The following MTOR variants were observed in gnomAD, a reference collection of about 807,000 sequenced individuals.
The protein encoded by MTOR is serine/threonine-protein kinase mTOR.
A neutral mutation model predicts 319.8 loss-of-function variants in MTOR; 70 were observed. The ratio of observed to expected loss-of-function variants is 0.22; its 90% CI spans 0.18 to 0.27. MTOR has a LOEUF of 0.27. MTOR is among the 10% of genes least tolerant of loss of function. The pLI, the probability that MTOR is intolerant of heterozygous loss-of-function variation, is 1.00. For synonymous variants in MTOR, 1,183 were observed against 1,211.4 expected (o/e 0.98, Z 0.49); for missense variants, 1,890 against 3,274.4 (o/e 0.58, Z 10.32).
intron 28 of MTOR, among the ~76,000 whole-genome samples, chr1:11,172,733 G>A (rs1278676693): frequency 6.6e-6 from 1 of 151,874 alleles, no homozygotes; most frequent in East Asian, 1.9e-4. Context: ...GTGGAGCGTG[G>A]TGGCGAACGC....
Position 11,253,851 on chromosome 1 carries a change from G to A in MTOR, c.828C>T (p.Ser276=). ...LILNELVRIS[S]MEGERLREEM... is the part of the protein sequence containing the mutation. ...CGTGGCTTCTCACCTCTCCCTCCATGCTGCTGATTCGGACCAGCTCGTTAA... is the reference window on the plus strand; with the variant it reads ...CGTGGCTTCTCACCTCTCCCTCCATACTGCTGATTCGGACCAGCTCGTTAA... Residue 276 remains serine, a synonymous_variant, in exon 6 of 58, where the codon AGC becomes AGT. Coordinates refer to ENST00000361445, the MANE Select transcript of MTOR (RefSeq NM_004958.4). 1.9e-6 allele frequency: 3 copies of A among 1,614,070 alleles called. No homozygotes were observed. Among genetic ancestry groups the A allele is most frequent in the Non-Finnish European group, 2.5e-6 (3 of 1,179,996 alleles).
intron 28 of MTOR, among the ~76,000 whole-genome samples, chr1:11,168,234 G>A (rs977476154): frequency 1.4e-5 from 2 of 147,108 alleles, no homozygotes; most frequent in African/African-American, 2.5e-5. Flanking sequence ...TTTTGAGACC[G>A]GGTCTTGCTA....
chr1:11,150,368 A>T, intron 30 of MTOR, 142 bp from the exon 31 acceptor site: 1 of 630,200 alleles, frequency 1.6e-6, no homozygotes, highest in Non-Finnish European at 2.7e-6. Flanking sequence ...AGGTCACATA[A>T]TAGAGAATCA....
chr1:11,262,180 G>A (rs1267368965), intron 1 of MTOR, among the ~76,000 whole-genome samples: 1 of 152,204 alleles, frequency 6.6e-6, no homozygotes, highest in Non-Finnish European at 1.5e-5. Flanking sequence ...AGACCCAAAG[G>A]GCAATACCAG....
chr1:11,125,192 GC>G (rs1389990951), intron 46 of MTOR, among the ~76,000 whole-genome samples: 1 of 152,170 alleles, frequency 6.6e-6, no homozygotes. Flanking sequence ...GTGGGTGAGG[GC>G]TGAGTAACAA....
At chr1:11,229,036 A>G in intron 18 of MTOR, 118 bp from the exon 19 acceptor site, 4 of 1,299,654 alleles carry the variant, frequency 3.1e-6, no homozygotes, top group Non-Finnish European at 1.1e-6. Context: ...CTTTCTTCCT[A>G]GTATGTTCTA....
chr1:11,128,538 G>A lies in MTOR; in HGVS notation c.5826C>T (p.Leu1942=), dbSNP rs1457074327. 1 of 1,614,064 alleles carries A rather than the reference G, an allele frequency of 6.2e-7. No individual in the cohort carries two copies. Among genetic ancestry groups the A allele is most frequent in the Non-Finnish European group, 8.5e-7 (1 of 1,180,030 alleles). ...GTCTGGGCGTATCAATTCTTGCAAT[G>A]AGCTGAGGTATAACCTGGTATTCAA... ...IDTWLQVIPQ[L]IARIDTPRPL... The change falls in exon 42 of 58, where the codon CTC becomes CTT. Residue 1942 remains leucine (L), a synonymous_variant. Transcript: ENST00000361445. This position sits in a 1 kb window ranked among gnomAD's most constrained non-coding sequence, Gnocchi z 5.3.
At chr1:11,244,650 CAAAA>C (rs1370523742) in intron 8 of MTOR, among the ~76,000 whole-genome samples, 1 of 152,022 alleles carries the variant, frequency 6.6e-6, no homozygotes, top group East Asian at 1.9e-4. Flanking sequence ...AACAAACAAA[CAAAA>C]AAACAGTACA....
intron 28 of MTOR, among the ~76,000 whole-genome samples, chr1:11,183,672 G>A (rs1327981502): frequency 1.3e-5 from 2 of 152,094 alleles, no homozygotes; most frequent in Non-Finnish European, 2.9e-5. Context: ...ATCTTAGGAA[G>A]CCACTTAATC....
chr1:11,138,286 TCA>T (rs1643525364), intron 36 of MTOR, among the ~76,000 whole-genome samples: 1 of 152,148 alleles, frequency 6.6e-6, no homozygotes, highest in African/African-American at 2.4e-5. Flanking sequence ...CCTGGGAGGC[TCA>T]CAGAGACTGA....
intron 6 of MTOR, among the ~76,000 whole-genome samples, chr1:11,249,947 C>A (rs1357535257): frequency 4.6e-5 from 7 of 150,628 alleles, no homozygotes; most frequent in South Asian, 2.1e-4. Flanking sequence ...ACCTCCCAGA[C>A]GGGGTGGTGG....
chr1:11,202,504 G>A (rs1469281521), intron 26 of MTOR, among the ~76,000 whole-genome samples: 1 of 151,116 alleles, frequency 6.6e-6, no homozygotes, highest in Non-Finnish European at 1.5e-5. Flanking sequence ...TACCTGATAG[G>A]TACGATGTAC....
At chr1:11,195,021 T>C in intron 28 of MTOR, 2 of 1,613,220 alleles carry the variant, frequency 1.2e-6, no homozygotes, top group Non-Finnish European at 1.7e-6. Flanking sequence ...CTTCAAGCCT[T>C]AAAAGGAGGC....
intron 25 of MTOR, among the ~76,000 whole-genome samples, chr1:11,205,701 A>G (rs1199284090): frequency 6.6e-6 from 1 of 152,262 alleles, no homozygotes; most frequent in African/African-American, 2.4e-5. Context: ...TAAAGGAGCA[A>G]AAAATGATTG....
chr1:11,114,627 G>C, intron 52 of MTOR, 174 bp from the exon 53 acceptor site: 1 of 1,058,610 alleles, frequency 9.4e-7, no homozygotes, highest in Non-Finnish European at 1.4e-6. Flanking sequence ...AGGAAACCAG[G>C]TCAGAAGTGA....
At chr1:11,190,698 G>A (rs1406213708) in intron 28 of MTOR, among the ~76,000 whole-genome samples, 1 of 152,172 alleles carries the variant, frequency 6.6e-6, no homozygotes, top group African/African-American at 2.4e-5. Context: ...CTCAGCTCAG[G>A]TGGGCCAACA....
chr1:11,232,856 A>C (rs1325903629), intron 15 of MTOR: 1 of 521,760 alleles, frequency 1.9e-6, no homozygotes, highest in African/African-American at 1.9e-5. Flanking sequence ...GCCTGGACAA[A>C]GTGAAACTGT....
intron 19 of MTOR, among the ~76,000 whole-genome samples, chr1:11,226,718 G>A (rs1053268041): frequency 6.6e-6 from 1 of 152,030 alleles, no homozygotes; most frequent in Non-Finnish European, 1.5e-5. Flanking sequence ...AGGTTGCAGT[G>A]AGCCCATATC....
intron 36 of MTOR, among the ~76,000 whole-genome samples, chr1:11,136,340 G>C (rs1643415856): frequency 6.6e-6 from 1 of 152,148 alleles, no homozygotes; most frequent in Admixed American, 6.6e-5. Context: ...GACAGGGCAG[G>C]CACACAGATG....
Sources: gnomAD v4.1 joint callset for allele counts (sites outside exome capture counted in the v4.1 genomes callset) on GRCh38, gnomAD v4.1.1 for gene constraint, Gnocchi (gnomAD v3.1) non-coding constraint, MANE v1.5 for transcripts, NCBI Gene and HGNC (gene_info 2026-07-23, HGNC 2026-07-21) for gene names.